PTPRT: variants seen among roughly 807,000 people sequenced by gnomAD.
PTPRT encodes protein tyrosine phosphatase receptor type T, also known as receptor-type tyrosine-protein phosphatase T.
Under a neutral mutation model 176.8 loss-of-function variants are expected in PTPRT, and 56 were observed. The observed-to-expected ratio is 0.32, with a 90% CI of 0.26 to 0.40. The LOEUF (loss-of-function observed/expected upper bound fraction) is 0.40, where lower values mean the gene tolerates loss of function less well. PTPRT is among the 10% of genes least tolerant of loss of function. The pLI is 1.00. For missense variants in PTPRT, 1,540 were observed against 1,908.2 expected, an observed-to-expected ratio of 0.81 and a Z score of 3.60; for synonymous variants, 783 against 739.0, an observed-to-expected ratio of 1.06 and a Z score of -0.96.
chr20:42,718,005 A>T (rs1198337119), intron 6 of PTPRT, among the ~76,000 whole-genome samples: 2 of 152,254 alleles, frequency 1.3e-5, no homozygotes, highest in Non-Finnish European at 2.9e-5. Context: ...AACACAGACA[A>T]CACCAATATG....
chr20:42,327,931 G>A (rs1179722556), intron 11 of PTPRT, among the ~76,000 whole-genome samples: 2 of 152,018 alleles, frequency 1.3e-5, no homozygotes, highest in African/African-American at 4.8e-5. Context: ...AGGTACAGCG[G>A]ATAAAAATGA....
intron 1 of PTPRT, among the ~76,000 whole-genome samples, chr20:42,933,696 G>A (rs986177969): frequency 5.3e-5 from 8 of 152,232 alleles, no homozygotes; most frequent in Admixed American, 3.3e-4. Flanking sequence ...GCCACCAACC[G>A]GATGAGCCTC....
chr20:42,053,039 G>A, the PTPRT span, among the ~76,000 whole-genome samples: 1 of 152,280 alleles, frequency 6.6e-6, no homozygotes, highest in East Asian at 1.9e-4. Context: ...ATGTGGCTGT[G>A]TTCCAATACA....
intron 29 of PTPRT, among the ~76,000 whole-genome samples, chr20:42,083,595 T>C (rs960371501): frequency 6.6e-6 from 1 of 152,228 alleles, no homozygotes; most frequent in Non-Finnish European, 1.5e-5. Flanking sequence ...TTGCCTAACA[T>C]GTGCATGCAC....
intron 11 of PTPRT, among the ~76,000 whole-genome samples, chr20:42,341,419 A>G: frequency 6.6e-6 from 1 of 152,078 alleles, no homozygotes; most frequent in East Asian, 1.9e-4. Context: ...GAGAAGATTA[A>G]ACGATTAAAA....
Position 42,080,780 on chromosome 20 carries a change from G to T in PTPRT, c.*99C>A. 8.2e-7 allele frequency: 1 copy of T among 1,218,506 alleles called. No homozygotes were observed. The highest frequency in any genetic ancestry group is 1.2e-6 in the Non-Finnish European group (1 of 834,324). 75.5% of individuals were successfully genotyped at this position (1,218,506 alleles called of 1,614,324 possible). ...TCTTCTCCTTGGAGTCAGGCAGGGT[G>T]CCACCTCAGAGCTCCTGAGCCCAGT... On this transcript the variant is annotated 3_prime_UTR_variant, in exon 31 of 31. Transcript: ENST00000373187.
At chr20:42,901,696 G>A (rs1457218771) in intron 1 of PTPRT, among the ~76,000 whole-genome samples, 2 of 152,012 alleles carry the variant, frequency 1.3e-5, no homozygotes, top group South Asian at 2.1e-4. Flanking sequence ...AGACCCCCAT[G>A]GGCTGCTTCA....
rs112099166 is a variant in PTPRT at position 42,391,610 on chromosome 20, T to G, written c.1561-39325A>C. Among the ~76,000 whole-genome samples the G allele has an allele frequency of 7.0e-3, 1,070 of 152,210 alleles. 15 individuals are homozygous for G. The highest frequency in any genetic ancestry group is 0.024 in the African/African-American group (1,009 of 41,548). ...TGTAGTGATAGGGTACGCCACAGTT[T>G]TTTGTTTGTTCGTTTGTTTTTAAAG... On this transcript the variant is annotated intron_variant, in intron 9 of 30. Transcript: ENST00000373187.
intron 7 of PTPRT, among the ~76,000 whole-genome samples, chr20:42,499,257 C>T (rs1320945838): frequency 2.0e-5 from 3 of 151,748 alleles, no homozygotes; most frequent in Non-Finnish European, 4.4e-5. Flanking sequence ...CAAATGGTGC[C>T]ATGTACAGTC....
chr20:42,584,969 G>C lies in PTPRT; in HGVS notation c.1153+92897C>G, dbSNP rs560945089. Among the ~76,000 whole-genome samples, 8 of 152,208 alleles carry C rather than the reference G, an allele frequency of 5.3e-5. 1 individual carries two copies. In the South Asian group the frequency reaches 1.7e-3, roughly 32 times the overall value. The stretch of plus-strand genomic sequence containing the variant: ...ATTGGCTAAAATTCCCTACAGACAG[G>C]CTGCACTGGTGCTTACCCATCCTGC... On this transcript the variant is annotated intron_variant, in intron 7 of 30. Transcript: ENST00000373187.
the PTPRT span, among the ~76,000 whole-genome samples, chr20:42,062,752 G>A: frequency 6.6e-6 from 1 of 152,162 alleles, no homozygotes; most frequent in Admixed American, 6.5e-5. Context: ...CACTGTTTCT[G>A]GGAATTTTCT....
At chr20:42,972,318 G>T (rs1982692411) in intron 1 of PTPRT, among the ~76,000 whole-genome samples, 1 of 151,372 alleles carries the variant, frequency 6.6e-6, no homozygotes, top group South Asian at 2.1e-4. Context: ...CAAAGATAAG[G>T]CCAGACAGGT....
At chr20:42,270,945 C>G (rs928446680) in intron 13 of PTPRT, among the ~76,000 whole-genome samples, 1 of 152,152 alleles carries the variant, frequency 6.6e-6, no homozygotes, top group Non-Finnish European at 1.5e-5. Context: ...AAGCTGCTTC[C>G]TTCTCTTTAA....
chr20:42,040,101 T>G, the PTPRT span, among the ~76,000 whole-genome samples: 6 of 152,122 alleles, frequency 3.9e-5, no homozygotes, highest in Non-Finnish European at 1.5e-5. Flanking sequence ...TCACCAACAT[T>G]TTTTATCTCT....
intron 1 of PTPRT, among the ~76,000 whole-genome samples, chr20:43,019,922 C>T (rs1222386116): frequency 6.6e-6 from 1 of 151,964 alleles, no homozygotes; most frequent in Non-Finnish European, 1.5e-5. Context: ...ACTTTGGTCT[C>T]AGATTGACAG....
At chr20:42,982,681 G>A (rs928389495) in intron 1 of PTPRT, among the ~76,000 whole-genome samples, 6 of 152,138 alleles carry the variant, frequency 3.9e-5, no homozygotes, top group African/African-American at 7.2e-5. Context: ...GGCCAGCTCC[G>A]TCCACTCGGC....
chr20:43,175,310 T>C (rs943241899), intron 1 of PTPRT, among the ~76,000 whole-genome samples: 35 of 152,250 alleles, frequency 2.3e-4, no homozygotes, highest in Non-Finnish European at 5.9e-5. Context: ...TTCTTCTGCA[T>C]GATGCAGGGG....
intron 7 of PTPRT, among the ~76,000 whole-genome samples, chr20:42,585,078 A>G (rs1347059291): frequency 2.0e-5 from 3 of 152,152 alleles, no homozygotes; most frequent in African/African-American, 4.8e-5. Context: ...ACGTGGATAC[A>G]TGGAAAAAAA....
chr20:42,145,547 T>TAGATAGATAGAC (rs1555876043), intron 17 of PTPRT, among the ~76,000 whole-genome samples: 1 of 152,158 alleles, frequency 6.6e-6, no homozygotes, highest in East Asian at 1.9e-4. Flanking sequence ...GATAGATAGA[T>TAGATAGATAGAC]GGATGTTGGG....
Sources: allele counts gnomAD v4.1 joint callset (sites outside exome capture counted in the v4.1 genomes callset), GRCh38; gene constraint gnomAD v4.1.1; transcripts MANE v1.5; gene names NCBI Gene and HGNC (gene_info 2026-07-23, HGNC 2026-07-21).